Variants in HELZ observed in about 807,000 individuals in gnomAD.
HELZ encodes helicase with zinc finger.
A neutral mutation model predicts 218.2 loss-of-function variants in HELZ; 23 were observed. That is an observed-to-expected ratio of 0.11 (90% CI 0.08 to 0.15). HELZ has a LOEUF of 0.15. HELZ is among the 10% of genes least tolerant of loss of function. HELZ has a pLI of 1.00. For missense variants in HELZ, 1,813 were observed against 2,353.7 expected (o/e 0.77, Z 4.75); for synonymous variants, 814 against 829.4 (o/e 0.98, Z 0.32).
chr17:67,162,495 T>C (rs1342090959), intron 15 of HELZ, among the ~76,000 whole-genome samples: 1 of 152,138 alleles, frequency 6.6e-6, no homozygotes, highest in African/African-American at 2.4e-5. Context: ...AAAAAACTGC[T>C]TCAGGTGATG....
chr17:67,191,886 GA>G (rs2039906749), intron 9 of HELZ, among the ~76,000 whole-genome samples: 2 of 151,048 alleles, frequency 1.3e-5, no homozygotes, highest in Admixed American at 1.3e-4. Context: ...GATCTTCTGA[GA>G]AAAAATGAAA....
intron 5 of HELZ, among the ~76,000 whole-genome samples, chr17:67,211,336 T>A (rs2040444972): frequency 6.6e-6 from 1 of 152,190 alleles, no homozygotes; most frequent in Non-Finnish European, 1.5e-5. Flanking sequence ...ATCAATTCTA[T>A]TATGCTAATA....
At chr17:67,241,538 C>T (rs930501882) in intron 2 of HELZ, among the ~76,000 whole-genome samples, 3 of 152,188 alleles carry the variant, frequency 2.0e-5, no homozygotes, top group Admixed American at 6.5e-5. Flanking sequence ...TTTAATTACA[C>T]GAGGCCCTTT....
At chr17:67,162,561 T>C (rs1458250084) in intron 15 of HELZ, among the ~76,000 whole-genome samples, 1 of 152,058 alleles carries the variant, frequency 6.6e-6, no homozygotes, top group Non-Finnish European at 1.5e-5. Flanking sequence ...CCTAAAACCA[T>C]CCGAGGAGCC....
intron 21 of HELZ, 122 bp from the exon 22 acceptor site, chr17:67,138,236 A>C: frequency 1.4e-6 from 1 of 714,378 alleles, no homozygotes; most frequent in Non-Finnish European, 2.1e-6. Context: ...AAAAAAAAAA[A>C]AAAACTACCC....
At chr17:67,244,794 G>T (rs1207978421) in intron 1 of HELZ, 3 of 985,182 alleles carry the variant, frequency 3.0e-6, no homozygotes, top group Non-Finnish European at 3.6e-6. Context: ...GGAACGTGCC[G>T]GGAGGCTCGA....
chr17:67,146,205 T>G (rs1331649414), intron 20 of HELZ, among the ~76,000 whole-genome samples: 2 of 152,220 alleles, frequency 1.3e-5, no homozygotes, highest in African/African-American at 4.8e-5. Flanking sequence ...TTAATTTTTT[T>G]TTATTTAAAT....
At chr17:67,201,469 G>A (rs1369520803) in intron 6 of HELZ, among the ~76,000 whole-genome samples, 1 of 152,026 alleles carries the variant, frequency 6.6e-6, no homozygotes, top group Non-Finnish European at 1.5e-5. Context: ...TTAACAACAG[G>A]TACCACCACA....
At chr17:67,087,200 A>G (rs927170157) in intron 31 of HELZ, 119 bp from the exon 32 acceptor site, 11 of 920,266 alleles carry the variant, frequency 1.2e-5, no homozygotes, top group Non-Finnish European at 1.8e-5. Flanking sequence ...ATATACTGTG[A>G]CTGTGAAACC....
intron 32 of HELZ, among the ~76,000 whole-genome samples, chr17:67,082,979 C>T (rs1211107359): frequency 6.6e-6 from 1 of 151,382 alleles, no homozygotes; most frequent in African/African-American, 2.4e-5. Context: ...GCCTCAGCCT[C>T]CCAAGTAGCT....
chr17:67,214,531 G>T (rs1443531591), intron 5 of HELZ, among the ~76,000 whole-genome samples: 8 of 151,500 alleles, frequency 5.3e-5, no homozygotes, highest in Non-Finnish European at 8.8e-5. Context: ...CTCCCCAAGT[G>T]CTGGGATTAC....
chr17:67,164,106 T>C (rs1162198698), intron 15 of HELZ, among the ~76,000 whole-genome samples: 12 of 152,212 alleles, frequency 7.9e-5, no homozygotes, highest in Admixed American at 7.2e-4. Context: ...ATGTGCCGAA[T>C]ATGAATAATA....
At chr17:67,145,917 G>C in intron 20 of HELZ, 27 bp from the exon 21 acceptor site, 1 of 1,587,506 alleles carries the variant, frequency 6.3e-7, no homozygotes, top group Non-Finnish European at 8.5e-7. Flanking sequence ...AAAGAAAAAA[G>C]GGGGAAAATC....
rs887908319 is a variant in HELZ at position 67,104,332 on chromosome 17, C to T, written c.5241+2837G>A. The stretch of plus-strand genomic sequence containing the variant: ...TGGACACCTGTAGTTCCAGCTATTC[C>T]GGAGGGTGAGGCAGCAGAATGGCGT... On this transcript the variant is annotated intron_variant, in intron 31 of 32. Transcript: ENST00000358691. Among the ~76,000 whole-genome samples the T allele has an allele frequency of 3.9e-4, 58 of 150,078 alleles. 1 individual carries two copies. The highest frequency in any genetic ancestry group is 1.3e-3 in the African/African-American group (55 of 40,874).
chr17:67,127,772 G>A (rs755563722), intron 24 of HELZ, among the ~76,000 whole-genome samples: 1 of 151,948 alleles, frequency 6.6e-6, no homozygotes, highest in East Asian at 1.9e-4. Context: ...CTTGAGCCTA[G>A]GAGGCGGAGG....
At chr17:67,098,167 C>T (rs1486289491) in intron 31 of HELZ, among the ~76,000 whole-genome samples, 1 of 152,164 alleles carries the variant, frequency 6.6e-6, no homozygotes, top group Non-Finnish European at 1.5e-5. Flanking sequence ...AATCATTTCT[C>T]ATTTTCTAAG....
chr17:67,139,185 G>A (rs2038244680), intron 21 of HELZ, among the ~76,000 whole-genome samples: 1 of 152,072 alleles, frequency 6.6e-6, no homozygotes, highest in Non-Finnish European at 1.5e-5. Context: ...CAGTTCCCAT[G>A]TCCAGATACA....
chr17:67,201,591 A>G (rs1313552240), intron 6 of HELZ, among the ~76,000 whole-genome samples: 1 of 152,220 alleles, frequency 6.6e-6, no homozygotes, highest in African/African-American at 2.4e-5. Flanking sequence ...TGATTCAGGA[A>G]GATTCATATA....
At chr17:67,189,966 A>C (rs1009639948) in intron 10 of HELZ, among the ~76,000 whole-genome samples, 191 bp downstream of exon 10, 4 of 152,218 alleles carry the variant, frequency 2.6e-5, no homozygotes, top group South Asian at 2.1e-4. Context: ...CAAATCTCCA[A>C]ACAAGTGGTT....
Sources: gnomAD v4.1 joint callset for allele counts (sites outside exome capture counted in the v4.1 genomes callset) on GRCh38, gnomAD v4.1.1 for gene constraint, MANE v1.5 for transcripts, NCBI Gene and HGNC (gene_info 2026-07-23, HGNC 2026-07-21) for gene names.